WASF2: variants seen among roughly 807,000 people sequenced by gnomAD.
WASF2 encodes the protein actin-binding protein WASF2.
Under a neutral mutation model 45.0 loss-of-function variants are expected in WASF2, and 14 were observed. The ratio of observed to expected loss-of-function variants is 0.31; its 90% CI spans 0.21 to 0.49. The LOEUF (loss-of-function observed/expected upper bound fraction) is 0.49, where lower values mean the gene tolerates loss of function less well. Ranked by LOEUF, WASF2 falls within the 20% of genes least tolerant of loss-of-function variation. The pLI is 0.99. For synonymous variants in WASF2, 200 were observed against 236.3 expected, an observed-to-expected ratio of 0.85 and a Z score of 1.41; for missense variants, 439 against 636.1, an observed-to-expected ratio of 0.69 and a Z score of 3.33.
intron 1 of WASF2, among the ~76,000 whole-genome samples, chr1:27,433,503 C>A (rs745552406): frequency 3.9e-4 from 60 of 152,318 alleles, no homozygotes; most frequent in Non-Finnish European, 3.4e-4. Flanking sequence ...TGGGGAACCA[C>A]TGAATTATGG....
intron 1 of WASF2, among the ~76,000 whole-genome samples, chr1:27,469,955 G>A (rs1438991675): frequency 6.6e-6 from 1 of 151,852 alleles, no homozygotes; most frequent in African/African-American, 2.4e-5. Context: ...AAAAAAAAAA[G>A]GTGAAGTTAC....
At chr1:27,462,856 TG>T (rs2017564952) in intron 1 of WASF2, among the ~76,000 whole-genome samples, 1 of 152,190 alleles carries the variant, frequency 6.6e-6, no homozygotes, top group African/African-American at 2.4e-5. Flanking sequence ...TTTTTTTAGA[TG>T]GAGTCTCACT....
At chr1:27,419,191 C>A in intron 2 of WASF2, 103 bp from the exon 3 acceptor site, 1 of 1,268,070 alleles carries the variant, frequency 7.9e-7, no homozygotes, top group Non-Finnish European at 1.1e-6. Context: ...CAAACACATA[C>A]ATATACACAC....
At chr1:27,433,830 T>C (rs1362243847) in intron 1 of WASF2, among the ~76,000 whole-genome samples, 7 of 152,226 alleles carry the variant, frequency 4.6e-5, no homozygotes, top group Admixed American at 2.0e-4. Context: ...AGCTGAATGC[T>C]AGCGCCAGTG....
chr1:27,428,934 C>T lies in WASF2; in HGVS notation c.-43-1G>A. The T allele has an allele frequency of 1.9e-6, 3 of 1,606,904 alleles. No homozygotes were observed. The highest frequency in any genetic ancestry group is 2.6e-6 in the Non-Finnish European group (3 of 1,175,908). Reference sequence around the variant, plus strand: ...AATGTTCTGAATGGTGAAAAACAACCTAAAAAAGAAATAACAGGAAAGTAT... The same window carrying T: ...AATGTTCTGAATGGTGAAAAACAACTTAAAAAAGAAATAACAGGAAAGTAT... On this transcript the variant is annotated splice_acceptor_variant, in intron 1 of 8. Transcript: ENST00000618852. LOFTEE classifies it low-confidence loss of function (5UTR_SPLICE).
chr1:27,463,406 T>C (rs2017572035), intron 1 of WASF2, among the ~76,000 whole-genome samples: 1 of 151,640 alleles, frequency 6.6e-6, no homozygotes, highest in African/African-American at 2.4e-5. Flanking sequence ...CAGGCGGATC[T>C]TGAGGTCAGG....
intron 1 of WASF2, 70 bp from the exon 2 acceptor site, chr1:27,429,003 T>A: frequency 3.9e-4 from 176 of 454,050 alleles, no homozygotes; most frequent in East Asian, 5.3e-4. Flanking sequence ...GTGTGAATCT[T>A]TTTTTTTTTT....
intron 2 of WASF2, among the ~76,000 whole-genome samples, chr1:27,421,753 T>C (rs760731198): frequency 2.0e-5 from 3 of 151,598 alleles, no homozygotes; most frequent in Non-Finnish European, 4.4e-5. Flanking sequence ...GAGACAGAGG[T>C]TGCAGTGAGC....
chr1:27,450,920 T>C (rs1331132067), intron 1 of WASF2, among the ~76,000 whole-genome samples: 1 of 151,102 alleles, frequency 6.6e-6, no homozygotes, highest in Non-Finnish European at 1.5e-5. Context: ...AACTATGAAA[T>C]ATATATGGAG....
chr1:27,427,070 C>A (rs780437758), intron 2 of WASF2, among the ~76,000 whole-genome samples: 1 of 152,100 alleles, frequency 6.6e-6, no homozygotes, highest in Non-Finnish European at 1.5e-5. Context: ...TTATTATTGC[C>A]TCTTATTCTT....
Position 27,410,224 on chromosome 1 carries a change from A to G in WASF2, c.825-18T>C. 6.2e-7 allele frequency: 1 copy of G among 1,613,828 alleles called. No homozygotes were observed. The highest frequency in any genetic ancestry group is 8.5e-7 in the Non-Finnish European group (1 of 1,179,884). ...CTGGGTAACTAAAAGGCCAAAGAAA[A>G]AAAGACTCACCATCACCCTTAGAAT... On this transcript the variant is annotated intron_variant, in intron 7 of 8. Transcript: ENST00000618852. This position sits in a 1 kb window ranked among gnomAD's most constrained non-coding sequence, Gnocchi z 4.2.
At chr1:27,442,713 A>G (rs2017254008) in intron 1 of WASF2, among the ~76,000 whole-genome samples, 1 of 151,232 alleles carries the variant, frequency 6.6e-6, no homozygotes, top group Non-Finnish European at 1.5e-5. Flanking sequence ...ACAAAAAACT[A>G]GCCAAAGGGC....
At chr1:27,427,726 C>T (rs1366178117) in intron 2 of WASF2, among the ~76,000 whole-genome samples, 3 of 152,142 alleles carry the variant, frequency 2.0e-5, no homozygotes, top group Non-Finnish European at 4.4e-5. Context: ...TATTGCTATA[C>T]GGGAGAATGC....
intron 1 of WASF2, among the ~76,000 whole-genome samples, chr1:27,432,829 T>C (rs1373408347): frequency 1.3e-5 from 2 of 152,036 alleles, no homozygotes; most frequent in African/African-American, 4.8e-5. Context: ...AGTGGCATGA[T>C]CATAGCTCAC....
intron 2 of WASF2, among the ~76,000 whole-genome samples, chr1:27,425,057 G>A (rs2016959248): frequency 6.6e-6 from 1 of 152,180 alleles, no homozygotes; most frequent in African/African-American, 2.4e-5. Context: ...AGAATTACTA[G>A]TAGCTGATAA....
chr1:27,455,442 A>G (rs1024649161), intron 1 of WASF2, among the ~76,000 whole-genome samples: 1 of 152,166 alleles, frequency 6.6e-6, no homozygotes, highest in African/African-American at 2.4e-5. Context: ...GAAAATTTTT[A>G]TCTGAGAATT....
At chr1:27,444,578 A>C (rs2017287984) in intron 1 of WASF2, among the ~76,000 whole-genome samples, 1 of 152,192 alleles carries the variant, frequency 6.6e-6, no homozygotes, top group South Asian at 2.1e-4. Context: ...GCATTACACA[A>C]AGGTGTTCCT....
intron 2 of WASF2, among the ~76,000 whole-genome samples, chr1:27,421,771 G>A (rs1012572566): frequency 1.8e-4 from 27 of 150,792 alleles, no homozygotes; most frequent in African/African-American, 6.1e-4. Flanking sequence ...AGCCAAGATC[G>A]CGCCATTGCA....
At position 27,412,574 on chromosome 1, in the gene WASF2, G is replaced by C; in HGVS notation, c.822C>G (p.Phe274Leu). The change falls in exon 7 of 9, where the codon TTC (phenylalanine) becomes TTG (leucine). Residue 274 changes from phenylalanine to leucine, a missense_variant and splice_region_variant. By Grantham distance (22) the Phe-to-Leu change is conservative (BLOSUM62 0). Around this residue, in one of 5 missense-constraint regions of WASF2, gnomAD observed 286 missense variants for 373.5 expected, o/e 0.77. Transcript: ENST00000618852. ...ATGGAGTAGGTACCACCATTTACCTGAATTCTGCTGGTGGAGGAGGCAAGT... is the reference window on the plus strand; with the variant it reads ...ATGGAGTAGGTACCACCATTTACCTCAATTCTGCTGGTGGAGGAGGCAAGT... The part of the protein sequence containing the change: ...EDNLPPPPAE[F>L]SYPVDNQRGS... 1 of 1,614,182 alleles carries C rather than the reference G, an allele frequency of 6.2e-7. No individual in the cohort carries two copies. The highest frequency in any genetic ancestry group is 1.1e-5 in the South Asian group (1 of 91,076).
Sources: gnomAD v4.1 joint callset for allele counts (sites outside exome capture counted in the v4.1 genomes callset) on GRCh38, gnomAD v4.1.1 for gene constraint, gnomAD v4.1.1 regional missense constraint, Gnocchi (gnomAD v3.1) non-coding constraint, MANE v1.5 for transcripts, NCBI Gene and HGNC (gene_info 2026-07-23, HGNC 2026-07-21) for gene names.